The following FHIT variants were observed in gnomAD, a reference collection of about 807,000 sequenced individuals.
FHIT encodes fragile histidine triad diadenosine triphosphatase, also known as bis(5'-adenosyl)-triphosphatase.
In FHIT, 19 loss-of-function variants were observed where a neutral mutation model predicts 17.9. That is an observed-to-expected ratio of 1.06 (90% CI 0.74 to 1.56). The LOEUF (loss-of-function observed/expected upper bound fraction) is 1.56. Among genes scored for constraint, FHIT ranks in the 40% most tolerant of loss-of-function variants. The pLI is 0.00. For missense variants in FHIT, 248 were observed against 189.2 expected (o/e 1.31, Z -1.82); for synonymous variants, 81 against 69.7 (o/e 1.16, Z -0.81).
At chr3:61,100,652 G>A (rs1470740480) in intron 2 of FHIT, among the ~76,000 whole-genome samples, 1 of 152,172 alleles carries the variant, frequency 6.6e-6, no homozygotes, top group Non-Finnish European at 1.5e-5. Flanking sequence ...TTCCACATTG[G>A]TTGAACTAAT....
intron 5 of FHIT, among the ~76,000 whole-genome samples, chr3:60,310,149 C>T (rs1008977990): frequency 6.6e-6 from 1 of 152,106 alleles, no homozygotes; most frequent in Non-Finnish European, 1.5e-5. Flanking sequence ...CAAGTCAAAG[C>T]TGAAAGAAAA....
At chr3:60,551,489 A>AG (rs1559532536) in intron 4 of FHIT, among the ~76,000 whole-genome samples, 3 of 4,884 alleles carry the variant, frequency 6.1e-4, no homozygotes, top group East Asian at 0.012. Flanking sequence ...AGGGTAGGGG[A>AG]GAGGGGAGGG....
intron 7 of FHIT, among the ~76,000 whole-genome samples, chr3:59,932,037 G>A (rs1705998347): frequency 6.6e-6 from 1 of 152,122 alleles, no homozygotes; most frequent in Non-Finnish European, 1.5e-5. Context: ...CTGAGAGCCT[G>A]GGTATATGCC....
chr3:60,687,187 A>G (rs1423476608), intron 4 of FHIT, among the ~76,000 whole-genome samples: 1 of 151,998 alleles, frequency 6.6e-6, no homozygotes, highest in Non-Finnish European at 1.5e-5. Context: ...AATAAATATT[A>G]TTTGCTTGTT....
chr3:59,905,251 C>T (rs937909021), intron 8 of FHIT, among the ~76,000 whole-genome samples: 40 of 152,126 alleles, frequency 2.6e-4, no homozygotes, highest in African/African-American at 9.4e-4. Context: ...AGGGGCTTGG[C>T]AGGAAAAAAG....
chr3:60,326,029 C>G (rs904410089), intron 5 of FHIT, among the ~76,000 whole-genome samples: 4 of 152,056 alleles, frequency 2.6e-5, no homozygotes, highest in African/African-American at 9.7e-5. Flanking sequence ...GAGATAAGAA[C>G]TTGACCATGA....
At chr3:60,127,196 T>C (rs1342494022) in intron 5 of FHIT, among the ~76,000 whole-genome samples, 1 of 152,140 alleles carries the variant, frequency 6.6e-6, no homozygotes, top group Non-Finnish European at 1.5e-5. Context: ...GCAATGTTTT[T>C]AAAATAGACC....
chr3:60,120,295 T>C (rs1246339429), intron 5 of FHIT, among the ~76,000 whole-genome samples: 1 of 152,204 alleles, frequency 6.6e-6, no homozygotes, highest in Non-Finnish European at 1.5e-5. Flanking sequence ...GCACAGTGCC[T>C]GCACGTAGTA....
intron 5 of FHIT, among the ~76,000 whole-genome samples, chr3:60,182,262 A>G (rs1701971342): frequency 6.6e-6 from 1 of 152,172 alleles, no homozygotes; most frequent in Non-Finnish European, 1.5e-5. Context: ...TATTAGTGGG[A>G]CCATGACCTG....
chr3:60,233,322 C>A (rs757044925), intron 5 of FHIT, among the ~76,000 whole-genome samples: 3 of 152,122 alleles, frequency 2.0e-5, no homozygotes, highest in Non-Finnish European at 4.4e-5. Flanking sequence ...AACTGCCAAA[C>A]AGCTGTAACA....
intron 3 of FHIT, among the ~76,000 whole-genome samples, chr3:60,841,536 C>A (rs1271709214): frequency 6.6e-6 from 1 of 152,194 alleles, no homozygotes; most frequent in Non-Finnish European, 1.5e-5. Flanking sequence ...AATGTCTATG[C>A]TTATCTTGCC....
intron 5 of FHIT, among the ~76,000 whole-genome samples, chr3:60,130,784 G>GTGTGTATATACACACATATATGT (rs148356992): frequency 9.0e-6 from 1 of 111,628 alleles, no homozygotes; most frequent in East Asian, 3.2e-4. Context: ...GTGTGTGTGT[G>GTGTGTATATACACACATATATGT]GTGTGTATAT....
chr3:60,382,393 C>T (rs1003078853), intron 5 of FHIT, among the ~76,000 whole-genome samples: 2 of 152,158 alleles, frequency 1.3e-5, no homozygotes, highest in Non-Finnish European at 2.9e-5. Flanking sequence ...AAGCCATGAG[C>T]GAAGTGTTTT....
intron 5 of FHIT, among the ~76,000 whole-genome samples, chr3:60,438,557 A>G (rs1293935304): frequency 1.3e-5 from 2 of 152,122 alleles, no homozygotes; most frequent in Non-Finnish European, 2.9e-5. Context: ...TCTGTGCTGC[A>G]TATCCTTTGC....
intron 5 of FHIT, among the ~76,000 whole-genome samples, chr3:60,178,412 C>A (rs1055855562): frequency 2.0e-5 from 3 of 152,022 alleles, no homozygotes; most frequent in African/African-American, 7.3e-5. Flanking sequence ...CATGGTGAAC[C>A]CTTTCTGTAA....
At chr3:60,235,058 A>C (rs1319162645) in intron 5 of FHIT, among the ~76,000 whole-genome samples, 4 of 152,084 alleles carry the variant, frequency 2.6e-5, no homozygotes, top group Admixed American at 1.3e-4. Context: ...TACATGGAAT[A>C]AGAGAGAGAT....
At chr3:60,251,425 C>T (rs527869827) in intron 5 of FHIT, among the ~76,000 whole-genome samples, 1 of 152,170 alleles carries the variant, frequency 6.6e-6, no homozygotes, top group Non-Finnish European at 1.5e-5. Flanking sequence ...GTACTAACAT[C>T]TTCAATTGCA....
intron 5 of FHIT, among the ~76,000 whole-genome samples, chr3:60,468,368 T>G (rs2032911052): frequency 6.6e-6 from 1 of 152,112 alleles, no homozygotes; most frequent in Admixed American, 6.6e-5. Flanking sequence ...TAGTCTTCTC[T>G]TTCTTCTTTC....
At chr3:60,567,204 G>A (rs368218245) in intron 4 of FHIT, among the ~76,000 whole-genome samples, 507 of 151,852 alleles carry the variant, frequency 3.3e-3, no homozygotes, top group African/African-American at 9.4e-3. Flanking sequence ...ACCTGACTTC[G>A]AACTATACTA....
Sources: allele counts gnomAD v4.1 joint callset (sites outside exome capture counted in the v4.1 genomes callset), GRCh38; gene constraint gnomAD v4.1.1; transcripts MANE v1.5; gene names NCBI Gene and HGNC (gene_info 2026-07-23, HGNC 2026-07-21).